RPL5: variants seen among roughly 807,000 people sequenced by gnomAD.
RPL5 encodes the protein ribosomal protein L5, also known as large ribosomal subunit protein uL18.
In RPL5, 1 loss-of-function variant was observed where a neutral mutation model predicts 38.4. The observed-to-expected ratio is 0.03, with a 90% CI of 0.01 to 0.12. RPL5 has a LOEUF of 0.12. Among genes scored for constraint, RPL5 ranks in the 10% least tolerant of loss-of-function variants. The probability of loss-of-function intolerance (pLI) is 1.00; values close to 1 mark genes in which losing one functional copy is unlikely to be tolerated. For synonymous variants in RPL5, 109 were observed against 121.2 expected (o/e 0.90, Z 0.66); for missense variants, 243 against 374.1 (o/e 0.65, Z 2.89).
At position 92,841,093 on chromosome 1, in the gene RPL5, G is replaced by C. The variant is rs938817560; in HGVS notation, c.794+454G>C. Among the ~76,000 whole-genome samples, 13 of 152,246 alleles carry C rather than the reference G, an allele frequency of 8.5e-5. No homozygotes were observed. The East Asian group carries it at 2.5e-3, about 29-fold the overall frequency. ...TTATTCTCTTAATTGTGAAATGTAC[G>C]ATATTCTATATTCATCATGCTGTGC... On this transcript the variant is annotated intron_variant, in intron 7 of 7. Transcript: ENST00000370321.
chr1:92,839,909 T>C (rs1017088020), intron 6 of RPL5, among the ~76,000 whole-genome samples: 4 of 152,014 alleles, frequency 2.6e-5, no homozygotes, highest in Non-Finnish European at 5.9e-5. Flanking sequence ...GGCACAATTA[T>C]AGCTCATTGC....
chr1:92,836,554 T>A (rs1027863236), intron 5 of RPL5, 162 bp downstream of exon 5: 2 of 666,806 alleles, frequency 3.0e-6, no homozygotes, highest in Non-Finnish European at 5.3e-6. Context: ...GAAGGAATTA[T>A]AGCCCATTTT....
At chr1:92,840,804 G>T in intron 7 of RPL5, 165 bp downstream of exon 7, 1 of 732,668 alleles carries the variant, frequency 1.4e-6, no homozygotes, top group South Asian at 1.4e-5. Context: ...ATGGAAATGT[G>T]TTAGCCTCAG....
At chr1:92,832,653 G>T (rs1344812631) in intron 1 of RPL5, 1 of 321,558 alleles carries the variant, frequency 3.1e-6, no homozygotes, top group South Asian at 4.8e-5. Flanking sequence ...GAGGCCGAGG[G>T]GTCCCTGGGC....
chr1:92,841,786 C>G lies in RPL5; in HGVS notation c.815C>G (p.Ser272Cys). The G allele has an allele frequency of 6.2e-7, 1 of 1,611,468 alleles. No homozygotes were observed. The highest frequency in any genetic ancestry group is 2.2e-5 in the East Asian group (1 of 44,842). Residue 272 changes from serine to cysteine, a missense_variant, in exon 8 of 8, where the codon TCC becomes TGC. Transcript: ENST00000370321. The stretch of plus-strand genomic sequence containing the variant: ...TGTAGGTGGAACCGTCCCAAAATGT[C>G]CCTTGCTCAGAAGAAGGATCGGGTA... The part of the protein sequence containing the change: ...KKKRWNRPKM[S>C]LAQKKDRVAQ...
intron 7 of RPL5, 48 bp downstream of exon 7, chr1:92,840,687 G>A (rs1334873165): frequency 3.0e-6 from 4 of 1,333,734 alleles, no homozygotes; most frequent in Non-Finnish European, 3.2e-6. Flanking sequence ...GTTGGGAATG[G>A]TTCCCACGTG....
chr1:92,841,425 C>G (rs1365453959), intron 7 of RPL5, among the ~76,000 whole-genome samples: 1 of 152,124 alleles, frequency 6.6e-6, no homozygotes, highest in African/African-American at 2.4e-5. Context: ...TTATCTGTTG[C>G]TATTAATATA....
chr1:92,840,020 T>G (rs990413924), intron 6 of RPL5, among the ~76,000 whole-genome samples: 1 of 151,566 alleles, frequency 6.6e-6, no homozygotes, highest in Non-Finnish European at 1.5e-5. Context: ...TTTTTTTTTT[T>G]TTTTTTAATT....
chr1:92,836,418 T>G (rs777282018), intron 5 of RPL5, 26 bp downstream of exon 5: 6 of 1,601,664 alleles, frequency 3.7e-6, no homozygotes, highest in Admixed American at 3.3e-5. Context: ...AAGACCTTGG[T>G]GCCTGGACCG....
rs1157940411 is a variant in RPL5 at position 92,833,463 on chromosome 1, T to C, written c.73+5T>C. On this transcript the variant is annotated splice_donor_5th_base_variant and intron_variant, in intron 2 of 7. Coordinates refer to ENST00000370321, the MANE Select transcript of RPL5 (RefSeq NM_000969.5). ...TGAAATTTAGAAGACGACGAGGTAC[T>C]GTCACCTTTTTGTGTTTACAATATT... The C allele has an allele frequency of 6.2e-7, 1 of 1,613,876 alleles. No homozygotes were observed. Among genetic ancestry groups the C allele is most frequent in the South Asian group, 1.1e-5 (1 of 91,080 alleles).
chr1:92,840,938 G>A, intron 7 of RPL5: 1 of 492,388 alleles, frequency 2.0e-6, no homozygotes, highest in Middle Eastern at 4.3e-4. Flanking sequence ...GGAATAGAAA[G>A]TAATACTTAA....
chr1:92,832,884 C>G, intron 1 of RPL5: 1 of 640,824 alleles, frequency 1.6e-6, no homozygotes, highest in Non-Finnish European at 2.8e-6. Context: ...AAAAACATAA[C>G]ATGGGAAGCG....
rs769164692 is a variant in RPL5, at chr1:92,840,597, C to T, written c.752C>T (p.Pro251Leu). The T allele has an allele frequency of 6.2e-7, 1 of 1,612,528 alleles. No homozygotes were observed. The highest frequency in any genetic ancestry group is 1.7e-5 in the Admixed American group (1 of 59,994). The change falls in exon 7 of 8, where the codon CCA (proline) becomes CTA (leucine). Residue 251 changes from proline (P) to leucine (L), a missense_variant. Pro to Leu is a moderately conservative substitution (Grantham distance 98, BLOSUM62 -3). Transcript: ENST00000370321. ...GCTCATGCTGCTATACGAGAGAATC[C>T]AGTCTATGAAAAGAAGCCCAAGAAA... ...KKAHAAIREN[P>L]VYEKKPKKEV...
chr1:92,832,217 G>C, intron 1 of RPL5, 100 bp downstream of exon 1: 1 of 1,546,852 alleles, frequency 6.5e-7, no homozygotes, highest in Non-Finnish European at 8.8e-7. Context: ...GCAGGGGCCG[G>C]ATGGCGTTAG....
At chr1:92,841,118 C>G (rs1482710460) in intron 7 of RPL5, among the ~76,000 whole-genome samples, 1 of 152,168 alleles carries the variant, frequency 6.6e-6, no homozygotes, top group Non-Finnish European at 1.5e-5. Flanking sequence ...TCATGCTGTG[C>G]AATAGAACTA....
intron 4 of RPL5, among the ~76,000 whole-genome samples, chr1:92,835,867 C>T (rs1433548867): frequency 1.3e-5 from 2 of 152,128 alleles, no homozygotes; most frequent in African/African-American, 4.8e-5. Flanking sequence ...TGGTTATAAA[C>T]ATGTTTTAAT....
chr1:92,832,357 A>C (rs1464390185), intron 1 of RPL5: 2 of 658,610 alleles, frequency 3.0e-6, no homozygotes, highest in Non-Finnish European at 5.4e-6. Context: ...GATTGGGGAG[A>C]AGGGTGAGTT....
chr1:92,837,478 G>T lies in RPL5; in HGVS notation c.550G>T (p.Asp184Tyr), dbSNP rs1397041399. Residue 184 changes from aspartate to tyrosine, a missense_variant, in exon 6 of 8, where the codon GAT (aspartate) becomes TAT (tyrosine). Transcript: ENST00000370321. ...PHSTKRFPGY[D>Y]SESKEFNAEV... ...TAGTACCAAACGATTCCCTGGTTAT[G>T]ATTCTGAAAGCAAGGAATTTAATGC... 6.2e-6 allele frequency: 10 copies of T among 1,613,212 alleles called. No individual in the cohort carries two copies. Among genetic ancestry groups the T allele is most frequent in the Non-Finnish European group, 7.6e-6 (9 of 1,179,912 alleles).
chr1:92,837,459 C>T lies in RPL5; in HGVS notation c.531C>T (p.Thr177=), dbSNP rs779537310. Residue 177 remains threonine, a synonymous_variant, in exon 6 of 8, where the codon ACC becomes ACT. Transcript: ENST00000370321. The stretch of plus-strand genomic sequence containing the variant: ...AATATGAATAACTTTATTTTAGTAC[C>T]AAACGATTCCCTGGTTATGATTCTG... ...VDGGLSIPHS[T]KRFPGYDSES... is the part of the protein sequence containing the mutation. The T allele has an allele frequency of 1.2e-6, 2 of 1,613,026 alleles. No homozygotes were observed.
Sources: allele counts gnomAD v4.1 joint callset (sites outside exome capture counted in the v4.1 genomes callset), GRCh38; gene constraint gnomAD v4.1.1; transcripts MANE v1.5; gene names NCBI Gene and HGNC (gene_info 2026-07-23, HGNC 2026-07-21).